Variants in BMPER observed in about 807,000 individuals in gnomAD.
The protein encoded by BMPER is BMP binding endothelial regulator, also known as BMP-binding endothelial regulator protein.
In BMPER, 45 loss-of-function variants were observed where a neutral mutation model predicts 87.3. That is an observed-to-expected ratio of 0.52 (90% confidence interval 0.41 to 0.66). The LOEUF (loss-of-function observed/expected upper bound fraction) is 0.66, where lower values mean the gene tolerates loss of function less well. Among genes scored for constraint, BMPER ranks in the 30% least tolerant of loss-of-function variants. The pLI is 0.00. For missense variants in BMPER, 784 were observed against 867.5 expected, an observed-to-expected ratio of 0.90 and a Z score of 1.21; for synonymous variants, 326 against 316.2, an observed-to-expected ratio of 1.03 and a Z score of -0.33.
At chr7:34,099,927 C>A (rs1213981378) in intron 13 of BMPER, among the ~76,000 whole-genome samples, 1 of 150,554 alleles carries the variant, frequency 6.6e-6, no homozygotes, top group Admixed American at 6.6e-5. Flanking sequence ...TTTTGAGATT[C>A]TGAGAGAGTT....
At chr7:34,024,377 AAAAAACAATATAT>A (rs1787287842) in intron 6 of BMPER, among the ~76,000 whole-genome samples, 1 of 90,894 alleles carries the variant, frequency 1.1e-5, no homozygotes, top group African/African-American at 5.7e-5. Flanking sequence ...AAAAAAAAAA[AAAAAACAATATAT>A]ATATATATAT....
At chr7:33,907,230 A>G (rs1033755120) in intron 2 of BMPER, among the ~76,000 whole-genome samples, 5 of 152,172 alleles carry the variant, frequency 3.3e-5, no homozygotes, top group Non-Finnish European at 7.4e-5. Context: ...TCTTGGGACA[A>G]CAAAACTTTC....
intron 6 of BMPER, among the ~76,000 whole-genome samples, chr7:34,006,631 A>G (rs1001709223): frequency 1.1e-4 from 17 of 152,070 alleles, no homozygotes; most frequent in African/African-American, 3.6e-4. Context: ...TTAACTATCA[A>G]TAGGCCAGTG....
chr7:34,040,605 C>T (rs1787808185), intron 6 of BMPER, among the ~76,000 whole-genome samples: 1 of 151,966 alleles, frequency 6.6e-6, no homozygotes, highest in Non-Finnish European at 1.5e-5. Flanking sequence ...TGAGGAGCCA[C>T]TAAAAGTTTT....
At chr7:33,951,679 G>A (rs1342806736) in intron 3 of BMPER, among the ~76,000 whole-genome samples, 1 of 152,134 alleles carries the variant, frequency 6.6e-6, no homozygotes, top group African/African-American at 2.4e-5. Context: ...GCTGCCCCCT[G>A]AATATATGTT....
At chr7:34,019,513 G>A (rs1205114312) in intron 6 of BMPER, among the ~76,000 whole-genome samples, 1 of 152,030 alleles carries the variant, frequency 6.6e-6, no homozygotes, top group Non-Finnish European at 1.5e-5. Flanking sequence ...AGCTCATGCA[G>A]CCTTCATGGC....
intron 2 of BMPER, among the ~76,000 whole-genome samples, chr7:33,929,143 G>A (rs552988221): frequency 1.3e-5 from 2 of 152,164 alleles, no homozygotes; most frequent in African/African-American, 4.8e-5. Context: ...GGCCGGAGGA[G>A]GCGTGTTTGC....
At chr7:34,027,695 T>A (rs950011012) in intron 6 of BMPER, among the ~76,000 whole-genome samples, 4 of 152,074 alleles carry the variant, frequency 2.6e-5, no homozygotes, top group South Asian at 2.1e-4. Flanking sequence ...AAAAATTTTT[T>A]AAAAAATGAG....
At chr7:34,044,576 A>T (rs1481944734) in intron 6 of BMPER, among the ~76,000 whole-genome samples, 1 of 152,186 alleles carries the variant, frequency 6.6e-6, no homozygotes, top group African/African-American at 2.4e-5. Context: ...TTCAGGTTAC[A>T]TGCCCCTGAA....
At position 34,117,270 on chromosome 7, in the gene BMPER, T is replaced by C. The variant is rs368180380; in HGVS notation, c.1746-25960T>C. On this transcript the variant is annotated intron_variant, in intron 13 of 14. Transcript: ENST00000649409. Reference sequence around the variant, plus strand: ...GAAGCTACCTCAGAAACTTAGTGTTTCCAAATATAAAGCTGTGTTATTTCC... The same window carrying C: ...GAAGCTACCTCAGAAACTTAGTGTTCCCAAATATAAAGCTGTGTTATTTCC... Among the ~76,000 whole-genome samples the C allele has an allele frequency of 9.2e-5, 14 of 152,298 alleles. No homozygotes were observed. In the East Asian group the frequency reaches 2.5e-3, roughly 27 times the overall value.
At chr7:33,930,839 A>G (rs1301970574) in intron 2 of BMPER, among the ~76,000 whole-genome samples, 1 of 152,178 alleles carries the variant, frequency 6.6e-6, no homozygotes, top group East Asian at 1.9e-4. Flanking sequence ...AGTCCCAGCT[A>G]CTTCTGGAGG....
At chr7:34,024,382 A>C (rs1485661063) in intron 6 of BMPER, among the ~76,000 whole-genome samples, 3 of 52,548 alleles carry the variant, frequency 5.7e-5, no homozygotes, top group Non-Finnish European at 9.2e-5. Context: ...AAAAAAAAAA[A>C]CAATATATAT....
At chr7:33,966,601 C>A in intron 4 of BMPER, 40 bp downstream of exon 4, 1 of 1,571,682 alleles carries the variant, frequency 6.4e-7, no homozygotes, top group South Asian at 1.1e-5. Flanking sequence ...AAAAGGAATC[C>A]ATAGAGTCCT....
chr7:33,999,186 AG>A (rs1786509313), intron 6 of BMPER, among the ~76,000 whole-genome samples: 1 of 152,262 alleles, frequency 6.6e-6, no homozygotes, highest in African/African-American at 2.4e-5. Flanking sequence ...GGCAGTTTCT[AG>A]GCACTGGTTC....
At chr7:34,065,714 T>C in intron 11 of BMPER, among the ~76,000 whole-genome samples, 1 of 152,232 alleles carries the variant, frequency 6.6e-6, no homozygotes, top group East Asian at 1.9e-4. Flanking sequence ...AAAAAGTTGC[T>C]ATCTTTGCTT....
chr7:34,037,747 T>C (rs1259457008), intron 6 of BMPER, among the ~76,000 whole-genome samples: 2 of 152,220 alleles, frequency 1.3e-5, no homozygotes, highest in Non-Finnish European at 2.9e-5. Flanking sequence ...TCAGCGCTTA[T>C]AATTTGCCTA....
intron 6 of BMPER, among the ~76,000 whole-genome samples, chr7:34,007,205 T>G (rs1786758074): frequency 6.6e-6 from 1 of 152,120 alleles, no homozygotes. Context: ...TAATTGTAGA[T>G]GAATTTTCTC....
chr7:34,010,286 A>G (rs1047778273), intron 6 of BMPER, among the ~76,000 whole-genome samples: 3 of 151,978 alleles, frequency 2.0e-5, no homozygotes, highest in Non-Finnish European at 2.9e-5. Context: ...ATAGTTCATT[A>G]TTAACACCTA....
rs1264915239 is a variant in BMPER, at chr7:33,939,610, G to A, written c.319+2222G>A. 5.9e-5 allele frequency among the ~76,000 whole-genome samples: 9 copies of A among 152,256 alleles called. No individual in the cohort carries two copies. The East Asian group carries it at 1.4e-3, about 23-fold the overall frequency. On this transcript the variant is annotated intron_variant, in intron 3 of 14. Coordinates refer to ENST00000649409, the MANE Select transcript of BMPER (RefSeq NM_001365308.1). ...CCAGGTGGAGGTAATTGAATCATGA[G>A]GGTGGTTTCCGCTATGCTGTTCTCG...
Sources: allele counts gnomAD v4.1 joint callset (sites outside exome capture counted in the v4.1 genomes callset), GRCh38; gene constraint gnomAD v4.1.1; transcripts MANE v1.5; gene names NCBI Gene and HGNC (gene_info 2026-07-23, HGNC 2026-07-21).